AAGAB: variants seen among roughly 807,000 people sequenced by gnomAD.
AAGAB encodes alpha and gamma adaptin binding protein, also known as alpha- and gamma-adaptin-binding protein p34.
A neutral mutation model predicts 44.1 loss-of-function variants in AAGAB; 38 were observed. That is an observed-to-expected ratio of 0.86 (90% CI 0.67 to 1.13). The LOEUF is 1.13. Among genes scored for constraint, AAGAB ranks in the 50% most tolerant of loss-of-function variants. The probability of loss-of-function intolerance (pLI) is 0.00; values close to 1 mark genes in which losing one functional copy is unlikely to be tolerated. For synonymous variants in AAGAB, 131 were observed against 131.8 expected, an observed-to-expected ratio of 0.99 and a Z score of 0.04; for missense variants, 450 against 373.8, an observed-to-expected ratio of 1.20 and a Z score of -1.68.
intron 7 of AAGAB, 133 bp from the exon 8 acceptor site, chr15:67,204,281 T>A: frequency 1.8e-6 from 1 of 570,204 alleles, no homozygotes; most frequent in Non-Finnish European, 3.1e-6. Context: ...GCTTTACAGC[T>A]CATGGCTCAC....
chr15:67,253,143 C>T (rs1964917662), intron 1 of AAGAB, among the ~76,000 whole-genome samples: 1 of 151,704 alleles, frequency 6.6e-6, no homozygotes, highest in South Asian at 2.1e-4. Flanking sequence ...GTGAAGGGGC[C>T]GGGCGCGGTG....
At chr15:67,215,562 C>A (rs1172599995) in intron 5 of AAGAB, among the ~76,000 whole-genome samples, 2 of 152,192 alleles carry the variant, frequency 1.3e-5, no homozygotes, top group African/African-American at 4.8e-5. Context: ...CTTCCCTGCA[C>A]AAAATGTTTT....
intron 1 of AAGAB, among the ~76,000 whole-genome samples, chr15:67,238,024 T>C (rs962219966): frequency 4.6e-5 from 7 of 152,240 alleles, no homozygotes; most frequent in African/African-American, 1.4e-4. Flanking sequence ...AATATATACA[T>C]GCATGAATTC....
chr15:67,254,526 C>CT (rs766409174), intron 1 of AAGAB, 33 bp downstream of exon 1: 1 of 1,581,014 alleles, frequency 6.3e-7, no homozygotes, highest in Non-Finnish European at 8.6e-7. Flanking sequence ...GCTCAGGGGC[C>CT]TTGGAGGTCG....
chr15:67,216,458 A>C (rs1468733105), intron 5 of AAGAB, among the ~76,000 whole-genome samples: 9 of 149,282 alleles, frequency 6.0e-5, no homozygotes, highest in African/African-American at 1.7e-4. Flanking sequence ...AAAAAAAAAA[A>C]AAAAAAAAAA....
chr15:67,233,475 G>A (rs1293077714), intron 4 of AAGAB, among the ~76,000 whole-genome samples: 1 of 152,176 alleles, frequency 6.6e-6, no homozygotes, highest in African/African-American at 2.4e-5. Context: ...GCTGCGTCTG[G>A]AAAATAATGA....
rs1675402848 is a variant in AAGAB, at chr15:67,214,923, A to G, written c.536-5379T>C. 2.6e-5 allele frequency among the ~76,000 whole-genome samples: 4 copies of G among 152,018 alleles called. No homozygotes were observed. The South Asian group carries it at 8.3e-4, about 32-fold the overall frequency. On this transcript the variant is annotated intron_variant, in intron 5 of 9. Coordinates refer to ENST00000261880, the MANE Select transcript of AAGAB (RefSeq NM_024666.5). ...CCAAAGTGCTGGGATTACAGGTGTG[A>G]GCCACGGCACCCGGCAGTCCTTACT...
chr15:67,241,319 G>A (rs1010528006), intron 1 of AAGAB, among the ~76,000 whole-genome samples: 13 of 152,154 alleles, frequency 8.5e-5, no homozygotes, highest in Admixed American at 6.5e-5. Context: ...TATGCCCTGA[G>A]GGAAGTGACA....
Position 67,208,624 on chromosome 15 carries a change from G to T in AAGAB, c.653C>A (p.Ser218Tyr). 6.2e-7 allele frequency: 1 copy of T among 1,614,140 alleles called. No homozygotes were observed. Among genetic ancestry groups the T allele is most frequent in the Non-Finnish European group, 8.5e-7 (1 of 1,180,012 alleles). The change falls in exon 7 of 10, where the codon TCC (serine) becomes TAC (tyrosine). Residue 218 changes from serine to tyrosine, a missense_variant. Coordinates refer to ENST00000261880, the MANE Select transcript of AAGAB (RefSeq NM_024666.5). ...PHLPAADSTE[S>Y]LSDHRGGASN... is the part of the protein sequence containing the mutation. ...TGCACCACCCCGATGATCAGAGAGG[G>T]ATTCAGTACTATCTGCTGCTGGCAA...
intron 1 of AAGAB, among the ~76,000 whole-genome samples, chr15:67,249,589 T>C (rs1157667544): frequency 1.3e-5 from 2 of 152,192 alleles, no homozygotes; most frequent in Non-Finnish European, 2.9e-5. Context: ...ACAATTTTTT[T>C]CCCCTCCATT....
At chr15:67,217,613 C>T (rs1157900063) in intron 5 of AAGAB, among the ~76,000 whole-genome samples, 4 of 152,138 alleles carry the variant, frequency 2.6e-5, no homozygotes, top group Non-Finnish European at 5.9e-5. Context: ...TCTTGGCTCA[C>T]TGCAACCTCC....
At chr15:67,250,837 T>G (rs1964848128) in intron 1 of AAGAB, among the ~76,000 whole-genome samples, 1 of 152,064 alleles carries the variant, frequency 6.6e-6, no homozygotes, top group African/African-American at 2.4e-5. Flanking sequence ...CCATCCTGGC[T>G]AACACAGTGA....
At chr15:67,232,904 A>T (rs946116745) in intron 4 of AAGAB, 1 of 155,728 alleles carries the variant, frequency 6.4e-6, no homozygotes, top group Non-Finnish European at 1.4e-5. Context: ...AATAAACTAA[A>T]AACTTTCATG....
In AAGAB at chr15:67,203,166, C is replaced by T. The variant is rs75916790; in HGVS notation, c.871-268G>A. On this transcript the variant is annotated intron_variant, in intron 9 of 9. Transcript: ENST00000261880. ...TTATAGAAGCAAAAAATGCACATGA[C>T]CTAAATGTCCAAAAGGGAACAGGAT... 1.1e-3 allele frequency among the ~76,000 whole-genome samples: 162 copies of T among 152,264 alleles called. 1 individual carries two copies. The East Asian group carries it at 0.026, about 24-fold the overall frequency.
At chr15:67,227,900 G>A (rs987526357) in intron 5 of AAGAB, among the ~76,000 whole-genome samples, 1 of 152,038 alleles carries the variant, frequency 6.6e-6, no homozygotes, top group African/African-American at 2.4e-5. Flanking sequence ...ATTAATGGCA[G>A]TATTTTGTTT....
chr15:67,209,994 T>A (rs372167168), intron 5 of AAGAB, among the ~76,000 whole-genome samples: 8 of 152,052 alleles, frequency 5.3e-5, no homozygotes, highest in African/African-American at 1.2e-4. Context: ...GTACATTTTT[T>A]AAAAAAATCA....
chr15:67,229,432 TA>T (rs756230077), intron 5 of AAGAB, among the ~76,000 whole-genome samples: 320 of 99,590 alleles, frequency 3.2e-3, no homozygotes, highest in Middle Eastern at 7.2e-3. Flanking sequence ...GAGTCCGTCT[TA>T]AAAAAAAAAA....
At chr15:67,223,838 G>A (rs991907902) in intron 5 of AAGAB, among the ~76,000 whole-genome samples, 28 of 152,156 alleles carry the variant, frequency 1.8e-4, no homozygotes, top group African/African-American at 6.5e-4. Flanking sequence ...GCCAGCAAGC[G>A]TCCTGATATC....
intron 1 of AAGAB, among the ~76,000 whole-genome samples, chr15:67,240,083 G>A (rs927817234): frequency 3.9e-5 from 6 of 152,166 alleles, no homozygotes; most frequent in African/African-American, 1.4e-4. Context: ...ATAATCACAA[G>A]CCAAAACTAG....
Sources: allele counts gnomAD v4.1 joint callset (sites outside exome capture counted in the v4.1 genomes callset), GRCh38; gene constraint gnomAD v4.1.1; transcripts MANE v1.5; gene names NCBI Gene and HGNC (gene_info 2026-07-23, HGNC 2026-07-21).